WSCD1: variants seen among roughly 807,000 people sequenced by gnomAD.
The protein encoded by WSCD1 is sialate:O-sulfotransferase 1.
Under a neutral mutation model 60.4 loss-of-function variants are expected in WSCD1, and 41 were observed. The ratio of observed to expected loss-of-function variants is 0.68; its 90% confidence interval spans 0.53 to 0.88. WSCD1 has a LOEUF of 0.88. Among genes scored for constraint, WSCD1 ranks in the 40% least tolerant of loss-of-function variants. WSCD1 has a pLI of 0.00. For synonymous variants in WSCD1, 361 were observed against 332.5 expected (o/e 1.09, Z -0.93); for missense variants, 784 against 796.2 (o/e 0.98, Z 0.18).
At position 6,093,931 on chromosome 17, in the gene WSCD1, C is replaced by G. The variant is rs549327529; in HGVS notation, c.728-1171C>G. Among the ~76,000 whole-genome samples the G allele has an allele frequency of 2.6e-5, 4 of 152,212 alleles. No homozygotes were observed. The South Asian group carries it at 8.3e-4, about 32-fold the overall frequency. ...TGCCCTAATAGGTCGTGCCCTGACA[C>G]GTGCACCACAGGTGCTGTGGTCAGT... On this transcript the variant is annotated intron_variant, in intron 4 of 8. Transcript: ENST00000317744.
chr17:6,090,687 G>A (rs1300465119), intron 4 of WSCD1, among the ~76,000 whole-genome samples, 182 bp downstream of exon 4: 3 of 152,076 alleles, frequency 2.0e-5, no homozygotes. Flanking sequence ...AGGATCCATC[G>A]AAGGCTTAAC....
chr17:6,088,156 A>G (rs1376935062), intron 3 of WSCD1, 52 bp downstream of exon 3: 1 of 1,513,780 alleles, frequency 6.6e-7, no homozygotes, highest in Non-Finnish European at 9.2e-7. Context: ...AGGTCCAGGG[A>G]CAGTTCCAGA....
At chr17:6,090,234 C>T (rs1440004159) in intron 3 of WSCD1, 87 bp from the exon 4 acceptor site, 1 of 1,323,130 alleles carries the variant, frequency 7.6e-7, no homozygotes, top group African/African-American at 1.5e-5. Context: ...ACTTTCTAAT[C>T]TACATCAAGC....
rs149992382 is a variant in WSCD1 at position 6,094,475 on chromosome 17, C to T, written c.728-627C>T. Reference sequence around the variant, plus strand: ...ACATTGAATTTTTCACAATATCAGCCTCTCAGGTCACCTACCATGGGAGGA... The same window carrying T: ...ACATTGAATTTTTCACAATATCAGCTTCTCAGGTCACCTACCATGGGAGGA... On this transcript the variant is annotated intron_variant, in intron 4 of 8. Transcript: ENST00000317744. Among the ~76,000 whole-genome samples the T allele has an allele frequency of 2.6e-5, 4 of 152,236 alleles. No individual in the cohort carries two copies. In the East Asian group the frequency reaches 5.8e-4, roughly 22 times the overall value.
At chr17:6,091,965 A>C (rs374832227) in intron 4 of WSCD1, among the ~76,000 whole-genome samples, 1 of 151,670 alleles carries the variant, frequency 6.6e-6, no homozygotes, top group Non-Finnish European at 1.5e-5. Context: ...GACCAGCCTG[A>C]CCAACATGGT....
chr17:6,072,126 T>A (rs1282404582), intron 1 of WSCD1, among the ~76,000 whole-genome samples: 2 of 152,222 alleles, frequency 1.3e-5, no homozygotes, highest in Non-Finnish European at 2.9e-5. Context: ...GGGATCCCTC[T>A]CTTCAGTGGG....
chr17:6,088,177 A>G (rs1018694649), intron 3 of WSCD1, 73 bp downstream of exon 3: 14 of 1,293,206 alleles, frequency 1.1e-5, no homozygotes, highest in Non-Finnish European at 1.4e-5. Context: ...ATGAGGAGGC[A>G]TATCAGCTAC....
At chr17:6,092,315 A>G (rs1310198263) in intron 4 of WSCD1, among the ~76,000 whole-genome samples, 1 of 152,132 alleles carries the variant, frequency 6.6e-6, no homozygotes, top group African/African-American at 2.4e-5. Flanking sequence ...CTGTGGGGTC[A>G]CAGTGCCCAG....
intron 7 of WSCD1, among the ~76,000 whole-genome samples, chr17:6,114,204 A>G (rs1321966767): frequency 2.0e-5 from 3 of 151,146 alleles, no homozygotes; most frequent in Admixed American, 6.6e-5. Context: ...GGCCACATGG[A>G]TGAGCCTAAG....
intron 5 of WSCD1, among the ~76,000 whole-genome samples, chr17:6,099,282 T>C (rs1020037598): frequency 2.6e-5 from 4 of 151,954 alleles, no homozygotes; most frequent in African/African-American, 9.7e-5. Context: ...TTTGGGAGGC[T>C]GAGGTGGGCG....
At chr17:6,107,010 C>CA (rs1456902813) in intron 5 of WSCD1, among the ~76,000 whole-genome samples, 1 of 152,140 alleles carries the variant, frequency 6.6e-6, no homozygotes, top group Non-Finnish European at 1.5e-5. Context: ...AAACAACAGA[C>CA]ATTTATTTTC....
At chr17:6,104,886 G>T (rs62053892) in intron 5 of WSCD1, among the ~76,000 whole-genome samples, 2 of 152,170 alleles carry the variant, frequency 1.3e-5, no homozygotes, top group Non-Finnish European at 2.9e-5. Context: ...GCTGTTCACT[G>T]CCTACCTCCG....
intron 4 of WSCD1, among the ~76,000 whole-genome samples, chr17:6,094,008 G>A (rs1910225265): frequency 6.6e-6 from 1 of 152,208 alleles, no homozygotes; most frequent in Admixed American, 6.5e-5. Context: ...GATTCTGGCT[G>A]GTAAAAGGGT....
At chr17:6,115,769 A>T (rs549581383) in intron 7 of WSCD1, among the ~76,000 whole-genome samples, 2 of 151,704 alleles carry the variant, frequency 1.3e-5, no homozygotes, top group African/African-American at 4.8e-5. Flanking sequence ...TAATTTTTGT[A>T]TTTTAGTAGA....
At chr17:6,109,524 C>T in intron 5 of WSCD1, 83 bp from the exon 6 acceptor site, 1 of 1,539,434 alleles carries the variant, frequency 6.5e-7, no homozygotes, top group Non-Finnish European at 8.8e-7. Context: ...ATACATCGTC[C>T]ATGTTCATCC....
intron 5 of WSCD1, among the ~76,000 whole-genome samples, chr17:6,107,122 C>G (rs959533269): frequency 6.6e-6 from 1 of 152,162 alleles, no homozygotes; most frequent in Non-Finnish European, 1.5e-5. Context: ...TTACTGTGTC[C>G]TTGTGTGCTT....
At position 6,070,629 on chromosome 17, in the gene WSCD1, G is replaced by T. The variant is rs536298111; in HGVS notation, c.-312G>T. 2.0e-5 allele frequency: 3 copies of T among 149,816 alleles called. No individual in the cohort carries two copies. Among genetic ancestry groups the T allele is most frequent in the African/African-American group, 7.3e-5 (3 of 41,090 alleles). 9.3% of individuals were successfully genotyped at this position (149,816 alleles called of 1,614,324 possible). A position where few individuals can be genotyped will look rare whatever the true frequency, so the allele number is the denominator to read the frequency against. On this transcript the variant is annotated 5_prime_UTR_variant, in exon 1 of 9. Coordinates refer to ENST00000317744, the MANE Select transcript of WSCD1 (RefSeq NM_015253.2). ...GCGGGCCATGGGCGCGGGTGCGGGC[G>T]CCCCAGCCGGCCGCGATCGCGGGGT... is the stretch of plus-strand genomic sequence containing the variant.
intron 1 of WSCD1, among the ~76,000 whole-genome samples, chr17:6,072,428 C>T (rs1484792485): frequency 6.6e-6 from 1 of 152,210 alleles, no homozygotes; most frequent in African/African-American, 2.4e-5. Context: ...CCTGATGGAA[C>T]CCCTCCGAGC....
rs1417147745 is a variant in WSCD1 at position 6,118,219 on chromosome 17, G to C, written c.1375+31G>C. The C allele has an allele frequency of 6.2e-7, 1 of 1,609,950 alleles. No individual in the cohort carries two copies. Among genetic ancestry groups the C allele is most frequent in the Non-Finnish European group, 8.5e-7 (1 of 1,178,156 alleles). The stretch of plus-strand genomic sequence containing the variant: ...CAAGGACCTTGCGGTGGGGGTGGGA[G>C]GCTTGTCAGTACAGGTAGGTTGCTC... On this transcript the variant is annotated intron_variant, in intron 8 of 8. Coordinates refer to ENST00000317744, the MANE Select transcript of WSCD1 (RefSeq NM_015253.2). This position sits in a 1 kb window ranked among gnomAD's most constrained non-coding sequence, Gnocchi z 5.8.
Sources: allele counts gnomAD v4.1 joint callset (sites outside exome capture counted in the v4.1 genomes callset), GRCh38; gene constraint gnomAD v4.1.1; non-coding constraint Gnocchi (gnomAD v3.1); transcripts MANE v1.5; gene names NCBI Gene and HGNC (gene_info 2026-07-23, HGNC 2026-07-21).